Variants in AGBL1 observed in about 807,000 individuals in gnomAD.
AGBL1 encodes the protein cytosolic carboxypeptidase 4.
In AGBL1, 130 loss-of-function variants were observed where a neutral mutation model predicts 118.9. The ratio of observed to expected loss-of-function variants is 1.09; its 90% CI spans 0.95 to 1.26. The LOEUF is 1.26. Ranked by LOEUF, AGBL1 falls within the 50% of genes most tolerant of loss-of-function variation. The pLI, the probability that AGBL1 is intolerant of heterozygous loss-of-function variation, is 0.00. For synonymous variants in AGBL1, 555 were observed against 478.9 expected, an observed-to-expected ratio of 1.16 and a Z score of -2.08; for missense variants, 1,584 against 1,298.1, an observed-to-expected ratio of 1.22 and a Z score of -3.38.
intron 21 of AGBL1, among the ~76,000 whole-genome samples, chr15:86,573,531 A>G (rs1834881667): frequency 6.6e-6 from 1 of 152,350 alleles, no homozygotes; most frequent in Admixed American, 6.5e-5. Flanking sequence ...CTTTGAAAGT[A>G]GGGCAGGGTC....
At chr15:86,303,237 A>T (rs1470219784) in intron 17 of AGBL1, among the ~76,000 whole-genome samples, 1 of 152,194 alleles carries the variant, frequency 6.6e-6, no homozygotes, top group East Asian at 1.9e-4. Context: ...TGAAGATTGT[A>T]AAGGGCTTAG....
chr15:86,284,882 T>C (rs1047565714), intron 16 of AGBL1, among the ~76,000 whole-genome samples: 1 of 152,180 alleles, frequency 6.6e-6, no homozygotes, highest in Admixed American at 6.5e-5. Flanking sequence ...GGTTATCAGC[T>C]TGATATTGTT....
At chr15:86,242,586 C>T (rs1295371562) in intron 6 of AGBL1, among the ~76,000 whole-genome samples, 2 of 152,120 alleles carry the variant, frequency 1.3e-5, no homozygotes, top group Non-Finnish European at 2.9e-5. Flanking sequence ...ACATGCAAGG[C>T]AGGGAGGGGT....
At chr15:86,760,050 T>C (rs547696173) in intron 22 of AGBL1, among the ~76,000 whole-genome samples, 2 of 152,216 alleles carry the variant, frequency 1.3e-5, no homozygotes, top group South Asian at 4.1e-4. Context: ...ATGACTTCTA[T>C]GAAGTAATGA....
chr15:86,325,170 A>T (rs2080166536), intron 17 of AGBL1, among the ~76,000 whole-genome samples: 1 of 152,230 alleles, frequency 6.6e-6, no homozygotes, highest in African/African-American at 2.4e-5. Flanking sequence ...AGAGAGAGGC[A>T]AGGAAAACAC....
At chr15:86,137,594 T>C (rs183134468) in intron 1 of AGBL1, among the ~76,000 whole-genome samples, 1 of 152,286 alleles carries the variant, frequency 6.6e-6, no homozygotes, top group East Asian at 1.9e-4. Context: ...TTGTGTTTTG[T>C]TTTAAATTTT....
chr15:86,264,684 C>A lies in AGBL1; in HGVS notation c.1513C>A (p.Arg505Ser), dbSNP rs753103295. Reference protein sequence around the residue: ...IDKLLQTHLKRVPFHDPYLYM... With the variant: ...IDKLLQTHLKSVPFHDPYLYM... ...TAAGCTTCTGCAGACACATCTGAAG[C>A]GTGTCCCTTTCCACGATCCCTATCT... Residue 505 changes from arginine to serine, a missense_variant, in exon 11 of 23, where the codon CGT (arginine) becomes AGT (serine). Transcript: ENST00000614907. 3.1e-6 allele frequency: 5 copies of A among 1,613,898 alleles called. No individual in the cohort carries two copies. The highest frequency in any genetic ancestry group is 1.6e-4 in the Middle Eastern group (1 of 6,084).
At chr15:86,277,699 A>G (rs1238286795) in intron 15 of AGBL1, among the ~76,000 whole-genome samples, 1 of 152,226 alleles carries the variant, frequency 6.6e-6, no homozygotes, top group Non-Finnish European at 1.5e-5. Flanking sequence ...AAATAAGACC[A>G]ACCCTACTGG....
chr15:86,435,464 G>C (rs1358236595), intron 18 of AGBL1, among the ~76,000 whole-genome samples: 1 of 152,176 alleles, frequency 6.6e-6, no homozygotes, highest in Non-Finnish European at 1.5e-5. Flanking sequence ...TTACATTTTT[G>C]AAGAATCCTA....
intron 22 of AGBL1, among the ~76,000 whole-genome samples, chr15:86,855,606 AT>A (rs1736635106): frequency 6.6e-6 from 1 of 152,232 alleles, no homozygotes; most frequent in African/African-American, 2.4e-5. Flanking sequence ...GGGAAAGGCA[AT>A]GGTGATATAA....
chr15:86,296,487 TACAGCCTTCCCTGATGAAGAC>T (rs998175281), intron 17 of AGBL1: 5 of 152,176 alleles, frequency 3.3e-5, no homozygotes, highest in African/African-American at 1.2e-4. Flanking sequence ...CTGAGGAAGA[TACAGCCTTCCCTGATGAAGAC>T]ACAGCCTTCC....
At position 86,236,935 on chromosome 15, in the gene AGBL1, GGGGGGGC is replaced by G. The variant is rs1567146244; in HGVS notation, c.527-10729_527-10723del. ...CACACACACGGGGATATGTGGGCGGGGGGGGGCGGGGGGGGGCGGGGGGGCGCCAAGT... is the reference window on the plus strand; with the variant it reads ...CACACACACGGGGATATGTGGGCGGGGGGGGGGGGCGGGGGGGCGCCAAGT... On this transcript the variant is annotated intron_variant, in intron 6 of 22. Transcript: ENST00000614907. Among the ~76,000 whole-genome samples, 5 of 45,020 alleles carry G rather than the reference GGGGGGGC, an allele frequency of 1.1e-4. 1 individual carries two copies. Among genetic ancestry groups the G allele is most frequent in the Non-Finnish European group, 1.6e-4 (3 of 19,002 alleles). The allele number at this position is 45,020 out of a possible 152,430, so 29.5% of individuals were successfully genotyped here. A position where few individuals can be genotyped will look rare whatever the true frequency, so the allele number is the denominator to read the frequency against.
At chr15:86,755,836 C>T (rs1316169138) in intron 22 of AGBL1, among the ~76,000 whole-genome samples, 1 of 152,102 alleles carries the variant, frequency 6.6e-6, no homozygotes, top group East Asian at 1.9e-4. Context: ...TTGCTTCACC[C>T]TTAAGAAGGA....
chr15:86,868,623 G>A (rs1180705026), intron 22 of AGBL1, among the ~76,000 whole-genome samples: 1 of 152,186 alleles, frequency 6.6e-6, no homozygotes, highest in African/African-American at 2.4e-5. Flanking sequence ...AGAGGATGTT[G>A]TAACGAAATA....
intron 21 of AGBL1, among the ~76,000 whole-genome samples, chr15:86,639,617 A>G (rs1374426881): frequency 2.6e-5 from 4 of 151,744 alleles, no homozygotes; most frequent in Non-Finnish European, 5.9e-5. Context: ...CTCTCTTCCT[A>G]CCTCCCCCAT....
At chr15:86,100,773 G>A (rs1287895694) in intron 1 of AGBL1, among the ~76,000 whole-genome samples, 2 of 151,814 alleles carry the variant, frequency 1.3e-5, no homozygotes, top group African/African-American at 4.8e-5. Flanking sequence ...TATTTGGTTA[G>A]TCTATCTAGC....
chr15:86,554,097 T>C (rs912099272), intron 20 of AGBL1, among the ~76,000 whole-genome samples: 2 of 152,048 alleles, frequency 1.3e-5, no homozygotes, highest in Non-Finnish European at 1.5e-5. Context: ...CGCCCTCAGG[T>C]GATCCACCTG....
Position 86,267,065 on chromosome 15 carries a change from C to T in AGBL1, c.1827C>T (p.Ile609=). The T allele has an allele frequency of 6.4e-7, 1 of 1,562,254 alleles. No individual in the cohort carries two copies. Among genetic ancestry groups the T allele is most frequent in the South Asian group, 1.2e-5 (1 of 84,652 alleles). ...AGTCAGGAAATCTTCGCAAAGCCAT[C>T]CAAGTGCGTGAGTAAGTAAGGAAAA... ...KFESGNLRKA[I]QVREFEYDLL... Residue 609 remains isoleucine (I), a synonymous_variant, in exon 13 of 23, where the codon ATC becomes ATT. Coordinates refer to ENST00000614907, the MANE Select transcript of AGBL1 (RefSeq NM_001386094.1).
At chr15:86,869,244 A>G (rs2079684175) in intron 22 of AGBL1, among the ~76,000 whole-genome samples, 1 of 152,112 alleles carries the variant, frequency 6.6e-6, no homozygotes, top group African/African-American at 2.4e-5. Context: ...TAGAGACACA[A>G]GTATGCAAAA....
Sources: allele counts gnomAD v4.1 joint callset (sites outside exome capture counted in the v4.1 genomes callset), GRCh38; gene constraint gnomAD v4.1.1; transcripts MANE v1.5; gene names NCBI Gene and HGNC (gene_info 2026-07-23, HGNC 2026-07-21).